The following CDH18 variants were observed in gnomAD, a reference collection of about 807,000 sequenced individuals.
CDH18 encodes the protein cadherin-18.
In CDH18, 31 loss-of-function variants were observed where a neutral mutation model predicts 67.9. The observed-to-expected ratio is 0.46, with a 90% CI of 0.34 to 0.62. The LOEUF (loss-of-function observed/expected upper bound fraction) is 0.62. CDH18 is among the 20% of genes least tolerant of loss of function. The probability of loss-of-function intolerance (pLI) is 0.01; values close to 1 mark genes in which losing one functional copy is unlikely to be tolerated. For synonymous variants in CDH18, 362 were observed against 347.2 expected, an observed-to-expected ratio of 1.04 and a Z score of -0.48; for missense variants, 890 against 975.5, an observed-to-expected ratio of 0.91 and a Z score of 1.17.
chr5:19,854,316 A>G (rs2149943015), intron 2 of CDH18, among the ~76,000 whole-genome samples: 1 of 152,244 alleles, frequency 6.6e-6, no homozygotes. Flanking sequence ...TTATAGTTAT[A>G]TACAACAGGC....
At chr5:19,755,432 T>C (rs1454665728) in intron 3 of CDH18, among the ~76,000 whole-genome samples, 11 of 7,116 alleles carry the variant, frequency 1.5e-3, no homozygotes, top group African/African-American at 1.8e-3. Context: ...ACAGGGTATG[T>C]ATATATATAT....
intron 5 of CDH18, among the ~76,000 whole-genome samples, chr5:19,618,679 C>T (rs1310815458): frequency 6.6e-6 from 1 of 152,126 alleles, no homozygotes. Context: ...ACATCTTCGA[C>T]CTACTGAATT....
chr5:20,496,085 G>C (rs1360809497), intron 1 of CDH18, among the ~76,000 whole-genome samples: 1 of 152,052 alleles, frequency 6.6e-6, no homozygotes, highest in East Asian at 1.9e-4. Context: ...AGATAAATAA[G>C]TAATTAAGAC....
chr5:19,798,121 A>C (rs1777049976), intron 3 of CDH18, among the ~76,000 whole-genome samples: 1 of 152,056 alleles, frequency 6.6e-6, no homozygotes, highest in African/African-American at 2.4e-5. Flanking sequence ...CATAACTATA[A>C]TGTTGGGGAT....
At chr5:19,553,729 C>T (rs538406463) in intron 8 of CDH18, among the ~76,000 whole-genome samples, 9 of 150,368 alleles carry the variant, frequency 6.0e-5, no homozygotes, top group Non-Finnish European at 8.8e-5. Context: ...CAGCCTTTGC[C>T]TCCTGGGCTC....
intron 1 of CDH18, among the ~76,000 whole-genome samples, chr5:20,278,889 C>A: frequency 6.6e-6 from 1 of 151,410 alleles, no homozygotes; most frequent in Admixed American, 6.6e-5. Flanking sequence ...ACAACAGAGA[C>A]ACAAAAAATA....
chr5:20,207,248 A>G (rs556877315), intron 2 of CDH18, among the ~76,000 whole-genome samples: 21 of 152,200 alleles, frequency 1.4e-4, no homozygotes, highest in Admixed American at 2.6e-4. Flanking sequence ...TACAAATAAT[A>G]CAAAATATGT....
intron 1 of CDH18, among the ~76,000 whole-genome samples, chr5:20,440,280 T>C (rs781638456): frequency 6.6e-5 from 10 of 151,952 alleles, no homozygotes; most frequent in South Asian, 2.1e-4. Context: ...AAATAATTTG[T>C]TATAATCTTT....
rs1294951150 is a variant in CDH18 at position 19,785,912 on chromosome 5, G to A, written c.229-38676C>T. Among the ~76,000 whole-genome samples, 4 of 151,122 alleles carry A rather than the reference G, an allele frequency of 2.6e-5. No individual in the cohort carries two copies. In the East Asian group the frequency reaches 7.8e-4, roughly 29 times the overall value. ...AGACTAAAACTAATTTAATTTACATGTTCAGTAAATGTTTATTAAATTGAA... is the reference window on the plus strand; with the variant it reads ...AGACTAAAACTAATTTAATTTACATATTCAGTAAATGTTTATTAAATTGAA... On this transcript the variant is annotated intron_variant, in intron 3 of 12. Transcript: ENST00000382275.
At chr5:19,580,150 T>C (rs1255901178) in intron 7 of CDH18, among the ~76,000 whole-genome samples, 1 of 151,770 alleles carries the variant, frequency 6.6e-6, no homozygotes, top group Non-Finnish European at 1.5e-5. Flanking sequence ...ATGTTCAAAG[T>C]TTTTTGGTTA....
chr5:20,108,064 T>C (rs2126314184), intron 2 of CDH18, among the ~76,000 whole-genome samples: 1 of 151,872 alleles, frequency 6.6e-6, no homozygotes. Context: ...CTCTTTGTTT[T>C]TGTTTGTTTC....
intron 8 of CDH18, among the ~76,000 whole-genome samples, chr5:19,568,774 T>C (rs7734570): frequency 0.031 from 4,505 of 144,182 alleles, 212 homozygotes; most frequent in African/African-American, 0.12. Context: ...TCTAGAACTG[T>C]GAGAAATAAA....
intron 5 of CDH18, among the ~76,000 whole-genome samples, chr5:19,697,145 GA>G (rs1219338304): frequency 1.3e-5 from 2 of 152,158 alleles, no homozygotes; most frequent in African/African-American, 4.8e-5. Context: ...AAGAAAAACA[GA>G]AAATATCTAG....
chr5:19,606,846 AT>A (rs1275295172), intron 6 of CDH18, among the ~76,000 whole-genome samples: 4 of 151,802 alleles, frequency 2.6e-5, no homozygotes, highest in Non-Finnish European at 5.9e-5. Flanking sequence ...CATTAGTCAG[AT>A]TTTTAAAAAG....
intron 1 of CDH18, among the ~76,000 whole-genome samples, chr5:20,258,105 T>C (rs1744384036): frequency 6.6e-6 from 1 of 152,120 alleles, no homozygotes; most frequent in South Asian, 2.1e-4. Flanking sequence ...TGTCCATAAA[T>C]AACAACAGCA....
At chr5:19,541,516 G>A (rs189851348) in intron 9 of CDH18, among the ~76,000 whole-genome samples, 2 of 152,230 alleles carry the variant, frequency 1.3e-5, no homozygotes, top group East Asian at 1.9e-4. Flanking sequence ...AGACATACCC[G>A]AGACTGGGTA....
chr5:20,305,447 A>C (rs1479642256), intron 1 of CDH18: 3 of 1,508,452 alleles, frequency 2.0e-6, no homozygotes, highest in Non-Finnish European at 1.8e-6. Context: ...GCTTTTGGCC[A>C]TGTTTTCGAA....
intron 3 of CDH18, among the ~76,000 whole-genome samples, chr5:19,807,218 G>A (rs1474227276): frequency 6.6e-6 from 1 of 152,102 alleles, no homozygotes; most frequent in Non-Finnish European, 1.5e-5. Flanking sequence ...GCTAATGTAT[G>A]CTGGGCTTAA....
At chr5:20,117,311 T>C (rs945193982) in intron 2 of CDH18, among the ~76,000 whole-genome samples, 12 of 152,196 alleles carry the variant, frequency 7.9e-5, no homozygotes, top group Non-Finnish European at 1.6e-4. Flanking sequence ...ATTTTTTGTA[T>C]TGATAAACAA....
Sources: gnomAD v4.1 joint callset for allele counts (sites outside exome capture counted in the v4.1 genomes callset) on GRCh38, gnomAD v4.1.1 for gene constraint, MANE v1.5 for transcripts, NCBI Gene and HGNC (gene_info 2026-07-23, HGNC 2026-07-21) for gene names.